MAPK9: variants seen among roughly 807,000 people sequenced by gnomAD.
MAPK9 encodes mitogen-activated protein kinase 9.
In MAPK9, 30 loss-of-function variants were observed where a neutral mutation model predicts 57.1. That is an observed-to-expected ratio of 0.53 (90% CI 0.39 to 0.71). The LOEUF (loss-of-function observed/expected upper bound fraction) is 0.71, where lower values mean the gene tolerates loss of function less well. Ranked by LOEUF, MAPK9 falls within the 30% of genes least tolerant of loss-of-function variation. The pLI, the probability that MAPK9 is intolerant of heterozygous loss-of-function variation, is 0.00. For missense variants in MAPK9, 362 were observed against 521.0 expected (o/e 0.69, Z 2.97); for synonymous variants, 155 against 177.0 (o/e 0.88, Z 0.99).
At chr5:180,244,863 A>G (rs1453806516) in intron 7 of MAPK9, among the ~76,000 whole-genome samples, 1 of 150,746 alleles carries the variant, frequency 6.6e-6, no homozygotes, top group East Asian at 2.0e-4. Flanking sequence ...TCTCAAACAT[A>G]CTCCCATCAG....
rs762216475 is a variant in MAPK9 at position 180,242,664 on chromosome 5, G to A, written c.780C>T (p.Val260=). Residue 260 remains valine (V), a synonymous_variant, in exon 8 of 12, where the codon GTC becomes GTT. Coordinates refer to ENST00000452135, the MANE Select transcript of MAPK9 (RefSeq NM_002752.5). ...TTCCAGGATACTTTGGTCTGTTTTC[G>A]ACATAATTCCTCACAGTTGGCTGAA... The part of the protein sequence containing the change: ...KKLQPTVRNY[V]ENRPKYPGIK... 6.8e-6 allele frequency: 11 copies of A among 1,613,974 alleles called. No individual in the cohort carries two copies. The highest frequency in any genetic ancestry group is 1.6e-4 in the Middle Eastern group (1 of 6,078).
intron 1 of MAPK9, among the ~76,000 whole-genome samples, chr5:180,290,877 C>T (rs1365672908): frequency 6.6e-6 from 1 of 152,226 alleles, no homozygotes; most frequent in Non-Finnish European, 1.5e-5. Context: ...AATCAGACAG[C>T]TACCTGTTTT....
chr5:180,241,415 A>G (rs1048995113), intron 8 of MAPK9, among the ~76,000 whole-genome samples: 4 of 151,148 alleles, frequency 2.6e-5, no homozygotes, highest in African/African-American at 9.8e-5. Flanking sequence ...CTCCTACCTC[A>G]GCCTCCCAAG....
Position 180,234,191 on chromosome 5 carries a change from T to C in MAPK9, c.*2193A>G, listed in dbSNP as rs1757019626. 1 of 152,126 alleles carries C rather than the reference T, an allele frequency of 6.6e-6. No homozygotes were observed. The highest frequency in any genetic ancestry group is 1.5e-5 in the Non-Finnish European group (1 of 68,012). The allele number at this position is 152,126 out of a possible 1,614,324, so 9.4% of individuals were successfully genotyped here. A position where few individuals can be genotyped will look rare whatever the true frequency, so the allele number is the denominator to read the frequency against. ...TTGTGTACAATATAAATTACAAAAA[T>C]AAAATAGAAAAGATGAAACAGTTGA... On this transcript the variant is annotated 3_prime_UTR_variant, in exon 12 of 12. Coordinates refer to ENST00000452135, the MANE Select transcript of MAPK9 (RefSeq NM_002752.5).
At chr5:180,255,639 C>T (rs1430014691) in intron 5 of MAPK9, among the ~76,000 whole-genome samples, 1 of 152,072 alleles carries the variant, frequency 6.6e-6, no homozygotes. Context: ...AGGGGAAGGT[C>T]TGCTGTGCAA....
chr5:180,268,549 C>T (rs757427347), intron 3 of MAPK9, among the ~76,000 whole-genome samples: 6 of 152,208 alleles, frequency 3.9e-5, no homozygotes, highest in East Asian at 1.9e-4. Context: ...TTTTATCAGC[C>T]GGGCGCCATG....
chr5:180,291,679 AG>A (rs1224882734), intron 1 of MAPK9, among the ~76,000 whole-genome samples, 168 bp downstream of exon 1: 1 of 151,366 alleles, frequency 6.6e-6, no homozygotes, highest in African/African-American at 2.4e-5. Flanking sequence ...GCCGGGCGGA[AG>A]GGGGCGCCTG....
intron 2 of MAPK9, among the ~76,000 whole-genome samples, chr5:180,270,837 A>C (rs1411564768): frequency 1.4e-5 from 2 of 142,986 alleles, no homozygotes; most frequent in African/African-American, 5.2e-5. Flanking sequence ...TGACAGACTG[A>C]GACCCTGTTG....
intron 1 of MAPK9, among the ~76,000 whole-genome samples, chr5:180,285,096 C>T (rs1473832286): frequency 6.6e-6 from 1 of 152,170 alleles, no homozygotes; most frequent in African/African-American, 2.4e-5. Flanking sequence ...GTATGGAAGA[C>T]GGGCTTCAGG....
intron 2 of MAPK9, 85 bp downstream of exon 2, chr5:180,280,355 C>A: frequency 6.6e-7 from 1 of 1,520,952 alleles, no homozygotes; most frequent in South Asian, 1.3e-5. Flanking sequence ...TTTTAATCAT[C>A]AATGTTTCTA....
At chr5:180,240,484 A>G (rs1044021460) in intron 9 of MAPK9, among the ~76,000 whole-genome samples, 2 of 152,260 alleles carry the variant, frequency 1.3e-5, no homozygotes, top group Non-Finnish European at 2.9e-5. Context: ...ACCACAGGCC[A>G]TGACATAAAC....
intron 1 of MAPK9, among the ~76,000 whole-genome samples, chr5:180,285,751 T>G (rs1303070379): frequency 5.5e-5 from 8 of 144,862 alleles, no homozygotes; most frequent in African/African-American, 2.0e-4. Flanking sequence ...TGGTGAGGCT[T>G]CAACTCTATA....
rs1400076600 is a variant in MAPK9 at position 180,247,347 on chromosome 5, C to T, written c.688+92G>A. 2 of 1,489,824 alleles carry T rather than the reference C, an allele frequency of 1.3e-6. No homozygotes were observed. The highest frequency in any genetic ancestry group is 2.8e-5 in the African/African-American group (2 of 72,462). The allele number at this position is 1,489,824 out of a possible 1,614,324, so 92.3% of individuals were successfully genotyped here. On this transcript the variant is annotated intron_variant, in intron 7 of 11. Transcript: ENST00000452135. This position sits in a 1 kb window ranked among gnomAD's most constrained non-coding sequence, Gnocchi z 4.5. The stretch of plus-strand genomic sequence containing the variant: ...ACACAGTCTGGAGTGGATTTTACGA[C>T]TTTGTCCTCGTGAGCGCTCGTGTAA...
intron 7 of MAPK9, among the ~76,000 whole-genome samples, chr5:180,243,895 T>C (rs1203819224): frequency 6.6e-6 from 1 of 152,200 alleles, no homozygotes; most frequent in Non-Finnish European, 1.5e-5. Context: ...TCGCCCAGGC[T>C]GGAGTGCAGT....
At chr5:180,282,933 C>T (rs956494144) in intron 1 of MAPK9, among the ~76,000 whole-genome samples, 16 of 152,050 alleles carry the variant, frequency 1.1e-4, no homozygotes, top group Admixed American at 7.9e-4. Context: ...GAGGCACATT[C>T]GGAATGTGAC....
intron 2 of MAPK9, chr5:180,280,031 T>A (rs1055578397): frequency 2.2e-6 from 1 of 457,454 alleles, no homozygotes; most frequent in Non-Finnish European, 4.4e-6. Flanking sequence ...ACTGCAATGA[T>A]GGCGCCTGGA....
intron 11 of MAPK9, 39 bp from the exon 12 acceptor site, chr5:180,236,565 C>A (rs191575213): frequency 6.3e-7 from 1 of 1,595,992 alleles, no homozygotes; most frequent in Non-Finnish European, 8.6e-7. Context: ...ATCTGAGGCA[C>A]GACATTGCTG....
At chr5:180,275,114 T>C (rs1489108183) in intron 2 of MAPK9, among the ~76,000 whole-genome samples, 1 of 152,210 alleles carries the variant, frequency 6.6e-6, no homozygotes, top group Non-Finnish European at 1.5e-5. Context: ...ATATCTCCTA[T>C]GGATCTGTTT....
chr5:180,263,025 G>C (rs189270781), intron 4 of MAPK9: 7 of 152,382 alleles, frequency 4.6e-5, no homozygotes, highest in Admixed American at 4.6e-4. Context: ...CATATCTCCT[G>C]AACTCCAGGC....
Sources: gnomAD v4.1 joint callset for allele counts (sites outside exome capture counted in the v4.1 genomes callset) on GRCh38, gnomAD v4.1.1 for gene constraint, Gnocchi (gnomAD v3.1) non-coding constraint, MANE v1.5 for transcripts, NCBI Gene and HGNC (gene_info 2026-07-23, HGNC 2026-07-21) for gene names.